The following DGKB variants were observed in gnomAD, a reference collection of about 807,000 sequenced individuals.
DGKB encodes diacylglycerol kinase beta, also known as 90 kDa diacylglycerol kinase.
In DGKB, 67 loss-of-function variants were observed where a neutral mutation model predicts 114.3. The observed-to-expected ratio is 0.59, with a 90% confidence interval of 0.48 to 0.72. The LOEUF is 0.72. DGKB is among the 30% of genes least tolerant of loss of function. The pLI, the probability that DGKB is intolerant of heterozygous loss-of-function variation, is 0.00. For missense variants in DGKB, 907 were observed against 975.2 expected (o/e 0.93, Z 0.93); for synonymous variants, 398 against 323.1 (o/e 1.23, Z -2.49).
intron 13 of DGKB, among the ~76,000 whole-genome samples, chr7:14,646,509 G>A (rs992667102): frequency 6.6e-6 from 1 of 152,138 alleles, no homozygotes; most frequent in African/African-American, 2.4e-5. Context: ...GATATTTACA[G>A]AGTATTTCAT....
chr7:14,627,173 A>C (rs1326000375), intron 14 of DGKB, among the ~76,000 whole-genome samples: 1 of 152,200 alleles, frequency 6.6e-6, no homozygotes, highest in Non-Finnish European at 1.5e-5. Context: ...TGTTGTAAGA[A>C]GTATGATTTA....
intron 20 of DGKB, among the ~76,000 whole-genome samples, chr7:14,549,551 G>A (rs1794810009): frequency 6.6e-6 from 1 of 151,966 alleles, no homozygotes; most frequent in Non-Finnish European, 1.5e-5. Flanking sequence ...TCAGAAATCA[G>A]AAATTCTGGT....
At chr7:14,855,351 T>C (rs575139863) in intron 1 of DGKB, among the ~76,000 whole-genome samples, 33 of 152,276 alleles carry the variant, frequency 2.2e-4, no homozygotes, top group African/African-American at 7.7e-4. Context: ...TCCCTTCTAC[T>C]TAGGTATATA....
chr7:14,428,695 T>C (rs1323905991), intron 21 of DGKB, among the ~76,000 whole-genome samples: 1 of 152,136 alleles, frequency 6.6e-6, no homozygotes, highest in African/African-American at 2.4e-5. Context: ...TAATGGGAAG[T>C]TTCTTAGGAT....
chr7:14,176,071 T>C (rs2128242893), intron 25 of DGKB: 1 of 152,418 alleles, frequency 6.6e-6, no homozygotes, highest in South Asian at 2.1e-4. Flanking sequence ...CCACACCTAA[T>C]CCAGCTTCTT....
At chr7:14,700,026 G>T (rs1439363626) in intron 7 of DGKB, among the ~76,000 whole-genome samples, 2 of 151,758 alleles carry the variant, frequency 1.3e-5, no homozygotes, top group African/African-American at 2.4e-5. Context: ...AACTCTCCTT[G>T]AAAATAGAAT....
chr7:14,294,959 G>A (rs145510998), intron 23 of DGKB, among the ~76,000 whole-genome samples: 1 of 152,134 alleles, frequency 6.6e-6, no homozygotes, highest in Non-Finnish European at 1.5e-5. Context: ...AATTAGAAAG[G>A]TTCCCGAAAT....
At chr7:14,882,889 C>T (rs1279730613) in intron 1 of DGKB, among the ~76,000 whole-genome samples, 1 of 151,818 alleles carries the variant, frequency 6.6e-6, no homozygotes, top group Non-Finnish European at 1.5e-5. Context: ...CTGATGGACA[C>T]TTAGGTTGAT....
chr7:14,247,027 A>G (rs1038565067), intron 23 of DGKB, among the ~76,000 whole-genome samples: 1 of 151,742 alleles, frequency 6.6e-6, no homozygotes, highest in Non-Finnish European at 1.5e-5. Context: ...TCTATTTCCT[A>G]TTTCTAGAAG....
chr7:14,835,813 A>C (rs1847077692), intron 2 of DGKB, among the ~76,000 whole-genome samples: 1 of 152,210 alleles, frequency 6.6e-6, no homozygotes, highest in African/African-American at 2.4e-5. Flanking sequence ...CATGAAAAAC[A>C]TAAACAAATT....
chr7:14,286,828 T>C (rs1004731859), intron 23 of DGKB, among the ~76,000 whole-genome samples: 1 of 152,134 alleles, frequency 6.6e-6, no homozygotes, highest in African/African-American at 2.4e-5. Context: ...TTATAAAATA[T>C]GTGCCAACAA....
At chr7:14,176,698 C>T in intron 25 of DGKB, 141 bp downstream of exon 25, 1 of 1,481,374 alleles carries the variant, frequency 6.8e-7, no homozygotes, top group Non-Finnish European at 9.0e-7. Flanking sequence ...GGCTCTGACA[C>T]ACACATAACA....
At chr7:14,674,476 G>T (rs1259072874) in intron 12 of DGKB, among the ~76,000 whole-genome samples, 1 of 152,124 alleles carries the variant, frequency 6.6e-6, no homozygotes, top group South Asian at 2.1e-4. Flanking sequence ...CTTAGAATCT[G>T]CCATGGCCAT....
intron 1 of DGKB, among the ~76,000 whole-genome samples, chr7:14,919,770 G>A (rs1272644611): frequency 6.6e-6 from 1 of 152,108 alleles, no homozygotes; most frequent in South Asian, 2.1e-4. Flanking sequence ...GAATGGCTTG[G>A]TGCCATCCCC....
intron 9 of DGKB, among the ~76,000 whole-genome samples, chr7:14,688,685 T>C (rs1040843714): frequency 2.0e-5 from 3 of 152,210 alleles, no homozygotes; most frequent in Non-Finnish European, 4.4e-5. Flanking sequence ...GGCTACTCCA[T>C]GCTGAGAAGG....
chr7:14,295,484 T>C (rs930907957), intron 23 of DGKB, among the ~76,000 whole-genome samples: 14 of 152,170 alleles, frequency 9.2e-5, no homozygotes, highest in African/African-American at 3.4e-4. Flanking sequence ...CAAGAGTCTA[T>C]TCAAAGTCCT....
chr7:14,381,024 C>T (rs1017527629), intron 21 of DGKB, among the ~76,000 whole-genome samples: 19 of 152,218 alleles, frequency 1.2e-4, no homozygotes, highest in African/African-American at 4.1e-4. Flanking sequence ...TGGGGCACCT[C>T]GTAGTTGGAA....
intron 2 of DGKB, among the ~76,000 whole-genome samples, chr7:14,792,443 C>G (rs7796559): frequency 0.011 from 1,605 of 151,960 alleles, 27 homozygotes; most frequent in African/African-American, 0.037. Context: ...TGGGACTAGG[C>G]AAGTCTCAAC....
At chr7:14,750,319 C>A in intron 4 of DGKB, 1 of 413,336 alleles carries the variant, frequency 2.4e-6, no homozygotes, top group Non-Finnish European at 4.8e-6. Flanking sequence ...AATTGGTCTG[C>A]CGTTTGAGAA....
Sources: allele counts gnomAD v4.1 joint callset (sites outside exome capture counted in the v4.1 genomes callset), GRCh38; gene constraint gnomAD v4.1.1; transcripts MANE v1.5; gene names NCBI Gene and HGNC (gene_info 2026-07-23, HGNC 2026-07-21).